The following MCF2L2 variants were observed in gnomAD, a reference collection of about 807,000 sequenced individuals.
MCF2L2 encodes the protein MCF.2 cell line derived transforming sequence-like 2.
A neutral mutation model predicts 150.2 loss-of-function variants in MCF2L2; 102 were observed. That is an observed-to-expected ratio of 0.68 (90% CI 0.58 to 0.80). MCF2L2 has a LOEUF of 0.80. Ranked by LOEUF, MCF2L2 falls within the 30% of genes least tolerant of loss-of-function variation. MCF2L2 has a pLI of 0.00. For synonymous variants in MCF2L2, 465 were observed against 491.3 expected (o/e 0.95, Z 0.71); for missense variants, 1,256 against 1,372.8 (o/e 0.91, Z 1.34).
chr3:183,268,627 A>G (rs1228874183), intron 15 of MCF2L2, among the ~76,000 whole-genome samples: 1 of 152,128 alleles, frequency 6.6e-6, no homozygotes, highest in Non-Finnish European at 1.5e-5. Flanking sequence ...GAGAAATGAC[A>G]CTTGAGTACC....
intron 3 of MCF2L2, among the ~76,000 whole-genome samples, chr3:183,346,762 C>G (rs927334008): frequency 1.3e-5 from 2 of 151,964 alleles, no homozygotes; most frequent in Non-Finnish European, 2.9e-5. Context: ...TTCTATTCAC[C>G]AACAATAGAC....
Position 183,294,569 on chromosome 3 carries a change from GTA to G in MCF2L2, c.1675+729_1675+730del, listed in dbSNP as rs1359098712. ...TATATGTATGTGTGTGTGTGTGTGT[GTA>G]TATATATGTGTATATACATATATGT... On this transcript the variant is annotated intron_variant, in intron 13 of 29. Coordinates refer to ENST00000328913, the MANE Select transcript of MCF2L2 (RefSeq NM_015078.4). Among the ~76,000 whole-genome samples, 243 of 146,146 alleles carry G rather than the reference GTA, an allele frequency of 1.7e-3. 2 individuals are homozygous for G. The highest frequency in any genetic ancestry group is 5.8e-3 in the African/African-American group (230 of 39,822).
At chr3:183,361,097 C>CAAGAA (rs1712158822) in intron 3 of MCF2L2, among the ~76,000 whole-genome samples, 1 of 94,092 alleles carries the variant, frequency 1.1e-5, no homozygotes, top group African/African-American at 7.6e-5. Flanking sequence ...CAAGACAAGA[C>CAAGAA]AAGACAAGAA....
intron 22 of MCF2L2, among the ~76,000 whole-genome samples, chr3:183,209,237 C>T (rs1048685873): frequency 6.6e-6 from 1 of 152,092 alleles, no homozygotes; most frequent in Non-Finnish European, 1.5e-5. Flanking sequence ...TAATCAATAT[C>T]GACATAAATA....
rs780838264 is a variant in MCF2L2, at chr3:183,216,085, T to C, written c.2380A>G (p.Lys794Glu). 10 of 1,613,750 alleles carry C rather than the reference T, an allele frequency of 6.2e-6. No homozygotes were observed. Among genetic ancestry groups the C allele is most frequent in the Non-Finnish European group, 8.5e-6 (10 of 1,179,820 alleles). ...ELGGSAKDGP[K>E]RTKDSAFSTE... Reference sequence around the variant, plus strand: ...GAGAATGCTGAATCTTTGGTTCTCTTTGGCCCATCCTGTGGAAAACAAATG... The same window carrying C: ...GAGAATGCTGAATCTTTGGTTCTCTCTGGCCCATCCTGTGGAAAACAAATG... Residue 794 changes from lysine (K) to glutamate (E), a missense_variant, in exon 22 of 30, where the codon AAG becomes GAG. Physicochemically the swap from Lys to Glu is moderately conservative, Grantham distance 56. Transcript: ENST00000328913.
chr3:183,369,394 G>A (rs147340252), intron 3 of MCF2L2, among the ~76,000 whole-genome samples: 4 of 152,176 alleles, frequency 2.6e-5, no homozygotes, highest in Non-Finnish European at 5.9e-5. Context: ...TGGAGAATGT[G>A]CAGTAAGGGT....
intron 5 of MCF2L2, among the ~76,000 whole-genome samples, chr3:183,336,236 G>A (rs1222463415): frequency 2.6e-5 from 4 of 151,950 alleles, no homozygotes; most frequent in Non-Finnish European, 4.4e-5. Flanking sequence ...TATCATATAA[G>A]TATATATAGA....
intron 5 of MCF2L2, among the ~76,000 whole-genome samples, chr3:183,331,964 G>T (rs183491084): frequency 6.6e-6 from 1 of 152,252 alleles, no homozygotes; most frequent in African/African-American, 2.4e-5. Context: ...TTACATCCTT[G>T]ACCCACCTGA....
rs1409709362 is a variant in MCF2L2 at position 183,309,784 on chromosome 3, T to C, written c.1045A>G (p.Ile349Val). 1.4e-5 allele frequency: 22 copies of C among 1,613,994 alleles called. No homozygotes were observed. The highest frequency in any genetic ancestry group is 1.9e-5 in the Non-Finnish European group (22 of 1,180,008). ...LLEEQAEFTG[I>V]GDSVMHVEQI... ...TCCACGTGCATCACGCTGTCTCCAA[T>C]GCCTGTAAACTCTGCTTGCTCTTCC... Residue 349 changes from isoleucine to valine, a missense_variant, in exon 10 of 30, where the codon ATT (isoleucine) becomes GTT (valine). Ile to Val is a conservative substitution (Grantham distance 29). Coordinates refer to ENST00000328913, the MANE Select transcript of MCF2L2 (RefSeq NM_015078.4).
At chr3:183,245,196 T>C (rs891219068) in intron 15 of MCF2L2, among the ~76,000 whole-genome samples, 3 of 152,228 alleles carry the variant, frequency 2.0e-5, no homozygotes, top group African/African-American at 7.2e-5. Flanking sequence ...CACAAGACTT[T>C]TATTCATTTG....
chr3:183,208,779 A>C (rs1330638542), intron 22 of MCF2L2, among the ~76,000 whole-genome samples: 3 of 152,226 alleles, frequency 2.0e-5, no homozygotes, highest in Non-Finnish European at 4.4e-5. Context: ...TAATACTGGA[A>C]ATATGTACTT....
intron 15 of MCF2L2, among the ~76,000 whole-genome samples, chr3:183,262,024 T>C (rs1725639196): frequency 6.8e-6 from 1 of 146,948 alleles, no homozygotes; most frequent in Admixed American, 6.8e-5. Context: ...GAATATTTAT[T>C]AATAAAAGTT....
intron 1 of MCF2L2, among the ~76,000 whole-genome samples, chr3:183,413,276 A>C (rs962791479): frequency 3.9e-5 from 6 of 152,230 alleles, no homozygotes; most frequent in Non-Finnish European, 8.8e-5. Context: ...ATGCCTTACC[A>C]ATAACATTAA....
intron 2 of MCF2L2, among the ~76,000 whole-genome samples, chr3:183,387,931 C>CA (rs61024469): frequency 0.021 from 1,494 of 71,918 alleles, 40 homozygotes; most frequent in African/African-American, 0.06. Context: ...GACTCCATCT[C>CA]AAAAAAAAAA....
intron 4 of MCF2L2, 72 bp downstream of exon 4, chr3:183,341,468 A>C: frequency 8.1e-7 from 1 of 1,235,844 alleles, no homozygotes. Context: ...TTTCCCCAGG[A>C]CTTTGATATG....
chr3:183,326,182 A>AT (rs1329643698), intron 5 of MCF2L2, among the ~76,000 whole-genome samples: 1 of 152,152 alleles, frequency 6.6e-6, no homozygotes, highest in African/African-American at 2.4e-5. Flanking sequence ...CGATCAATTG[A>AT]TTTTTTAAAC....
At chr3:183,400,138 C>T (rs1714663502) in intron 1 of MCF2L2, among the ~76,000 whole-genome samples, 1 of 152,078 alleles carries the variant, frequency 6.6e-6, no homozygotes, top group African/African-American at 2.4e-5. Flanking sequence ...TACCTATGAA[C>T]ATATCAATAA....
intron 1 of MCF2L2, among the ~76,000 whole-genome samples, chr3:183,425,449 T>A (rs1716112998): frequency 6.6e-6 from 1 of 152,006 alleles, no homozygotes; most frequent in African/African-American, 2.4e-5. Context: ...CTTCCCCAAC[T>A]CATGATCACC....
At chr3:183,308,832 A>G (rs1729224568) in intron 10 of MCF2L2, among the ~76,000 whole-genome samples, 2 of 152,228 alleles carry the variant, frequency 1.3e-5, no homozygotes, top group South Asian at 4.1e-4. Context: ...GCTGCTGGCC[A>G]GAGGCTCACA....
Sources: gnomAD v4.1 joint callset for allele counts (sites outside exome capture counted in the v4.1 genomes callset) on GRCh38, gnomAD v4.1.1 for gene constraint, MANE v1.5 for transcripts, NCBI Gene and HGNC (gene_info 2026-07-23, HGNC 2026-07-21) for gene names.